TRPC4AP: variants seen among roughly 807,000 people sequenced by gnomAD.
TRPC4AP encodes transient receptor potential cation channel subfamily C member 4 associated protein.
Under a neutral mutation model 99.0 loss-of-function variants are expected in TRPC4AP, and 45 were observed. That is an observed-to-expected ratio of 0.45 (90% CI 0.36 to 0.58). The LOEUF is 0.58. Among genes scored for constraint, TRPC4AP ranks in the 20% least tolerant of loss-of-function variants. TRPC4AP has a pLI of 0.00. For missense variants in TRPC4AP, 879 were observed against 985.3 expected, an observed-to-expected ratio of 0.89 and a Z score of 1.44; for synonymous variants, 408 against 385.8, an observed-to-expected ratio of 1.06 and a Z score of -0.67.
At chr20:35,031,390 C>CTTTTTT (rs71299218) in intron 8 of TRPC4AP, among the ~76,000 whole-genome samples, 2 of 73,656 alleles carry the variant, frequency 2.7e-5, no homozygotes, top group African/African-American at 5.9e-5. Flanking sequence ...CCCTGGTTAA[C>CTTTTTT]TTTTTTTTTT....
At chr20:35,028,830 T>C (rs1332207289) in intron 8 of TRPC4AP, among the ~76,000 whole-genome samples, 2 of 152,260 alleles carry the variant, frequency 1.3e-5, no homozygotes, top group Non-Finnish European at 2.9e-5. Flanking sequence ...TTTTGCTTCA[T>C]GTATTTTTTG....
chr20:35,031,415 T>C (rs6141527), intron 8 of TRPC4AP, among the ~76,000 whole-genome samples: 1,667 of 109,566 alleles, frequency 0.015, 29 homozygotes, highest in East Asian at 0.098. Context: ...TTTTTTTTTT[T>C]CAAAGAGATG....
chr20:35,049,488 T>A (rs200641430), intron 6 of TRPC4AP, among the ~76,000 whole-genome samples: 5 of 151,220 alleles, frequency 3.3e-5, no homozygotes, highest in African/African-American at 2.4e-5. Context: ...CAGATAGCGG[T>A]AAAGTGGTAA....
chr20:35,058,878 G>T (rs547754923), intron 3 of TRPC4AP, among the ~76,000 whole-genome samples: 3 of 151,824 alleles, frequency 2.0e-5, no homozygotes, highest in Non-Finnish European at 2.9e-5. Flanking sequence ...TAGTAGAAAC[G>T]AGGTTTTGCC....
intron 3 of TRPC4AP, among the ~76,000 whole-genome samples, chr20:35,064,502 G>A (rs539291394): frequency 4.4e-4 from 67 of 152,360 alleles, no homozygotes; most frequent in South Asian, 4.1e-4. Context: ...AATTAAGAGA[G>A]ATGTGTTATT....
chr20:35,042,415 G>T (rs1316789064), intron 7 of TRPC4AP, among the ~76,000 whole-genome samples: 1 of 152,188 alleles, frequency 6.6e-6, no homozygotes, highest in African/African-American at 2.4e-5. Context: ...AGAGGAGGCT[G>T]CTCTGAAGCA....
intron 3 of TRPC4AP, among the ~76,000 whole-genome samples, chr20:35,068,788 G>A (rs1455730800): frequency 4.0e-5 from 6 of 151,620 alleles, no homozygotes; most frequent in African/African-American, 1.5e-4. Flanking sequence ...CCAAAGTGCT[G>A]GGATTACAGG....
chr20:35,076,477 C>T (rs1162501256), intron 2 of TRPC4AP, among the ~76,000 whole-genome samples: 1 of 152,220 alleles, frequency 6.6e-6, no homozygotes, highest in Non-Finnish European at 1.5e-5. Context: ...AGTTTTCCTT[C>T]TAACAGTCAG....
intron 11 of TRPC4AP, among the ~76,000 whole-genome samples, chr20:35,010,683 C>T (rs186011171): frequency 2.2e-4 from 33 of 152,318 alleles, no homozygotes; most frequent in Admixed American, 1.7e-3. Context: ...ACACATCACA[C>T]AGAGGCCTGG....
intron 2 of TRPC4AP, among the ~76,000 whole-genome samples, chr20:35,072,784 A>G (rs990323686): frequency 6.6e-6 from 1 of 152,166 alleles, no homozygotes; most frequent in Admixed American, 6.5e-5. Context: ...TTGGTTCCAT[A>G]TGAACTTTAA....
At chr20:35,082,125 A>G (rs894986382) in intron 1 of TRPC4AP, among the ~76,000 whole-genome samples, 6 of 152,210 alleles carry the variant, frequency 3.9e-5, no homozygotes, top group Admixed American at 1.3e-4. Context: ...AACATACATA[A>G]AGCAAAAACT....
chr20:35,005,902 C>T (rs958113701), intron 15 of TRPC4AP, 99 bp from the exon 16 acceptor site: 34 of 986,708 alleles, frequency 3.4e-5, no homozygotes, highest in Admixed American at 1.8e-4. Context: ...GCGACCTCTA[C>T]CAGCCCCACT....
chr20:35,076,289 T>C (rs2084478078), intron 2 of TRPC4AP, among the ~76,000 whole-genome samples: 1 of 152,190 alleles, frequency 6.6e-6, no homozygotes, highest in African/African-American at 2.4e-5. Context: ...CCATCCAGCT[T>C]TGTTCCGTTG....
At chr20:35,082,670 T>C (rs965318530) in intron 1 of TRPC4AP, among the ~76,000 whole-genome samples, 3 of 152,184 alleles carry the variant, frequency 2.0e-5, no homozygotes, top group East Asian at 1.9e-4. Context: ...AATTCAAAAA[T>C]TGAATTAAAT....
chr20:35,053,420 A>C (rs1487426713), intron 5 of TRPC4AP, among the ~76,000 whole-genome samples: 3 of 152,208 alleles, frequency 2.0e-5, no homozygotes, highest in African/African-American at 7.2e-5. Context: ...GGCCTCATAA[A>C]ACTAGTGACT....
Position 35,003,147 on chromosome 20 carries a change from C to G in TRPC4AP, c.2393G>C (p.Ter798SerextTer49), listed in dbSNP as rs1464508996. 1 of 1,614,094 alleles carries G rather than the reference C, an allele frequency of 6.2e-7. No individual in the cohort carries two copies. Among genetic ancestry groups the G allele is most frequent in the Non-Finnish European group, 8.5e-7 (1 of 1,179,976 alleles). Residue 798 changes from the stop codon to serine (S), a stop_lost, in exon 19 of 19, where the codon TGA becomes TCA. Transcript: ENST00000252015. ...MDIDRDFTEE[*>S] Reference sequence around the variant, plus strand: ...AGCCTCCCGAGGCCTGGCCCAAGGTCACTCCTCAGTGAAGTCCCTGTCTAT... The same window carrying G: ...AGCCTCCCGAGGCCTGGCCCAAGGTGACTCCTCAGTGAAGTCCCTGTCTAT...
chr20:35,022,108 G>C (rs185048622), intron 8 of TRPC4AP, among the ~76,000 whole-genome samples: 2 of 152,116 alleles, frequency 1.3e-5, no homozygotes, highest in East Asian at 3.9e-4. Flanking sequence ...GAATGGGAAC[G>C]TAAGAGAAGC....
intron 1 of TRPC4AP, among the ~76,000 whole-genome samples, chr20:35,091,743 T>C (rs546412714): frequency 6.6e-5 from 10 of 152,328 alleles, no homozygotes; most frequent in Non-Finnish European, 1.2e-4. Flanking sequence ...GCACCTGTTA[T>C]AAGTCAGATG....
intron 1 of TRPC4AP, among the ~76,000 whole-genome samples, chr20:35,089,911 T>TA (rs1440775363): frequency 3.3e-5 from 5 of 151,324 alleles, no homozygotes; most frequent in African/African-American, 9.7e-5. Context: ...CATAACAGTA[T>TA]AAAAATATGG....
Sources: gnomAD v4.1 joint callset for allele counts (sites outside exome capture counted in the v4.1 genomes callset) on GRCh38, gnomAD v4.1.1 for gene constraint, MANE v1.5 for transcripts, NCBI Gene and HGNC (gene_info 2026-07-23, HGNC 2026-07-21) for gene names.